Variants in RAD9A observed in about 807,000 individuals in gnomAD.
RAD9A encodes the protein RAD9 checkpoint clamp component A.
Under a neutral mutation model 41.2 loss-of-function variants are expected in RAD9A, and 25 were observed. That is an observed-to-expected ratio of 0.61 (90% CI 0.44 to 0.85). The LOEUF (loss-of-function observed/expected upper bound fraction) is 0.85, where lower values mean the gene tolerates loss of function less well. Ranked by LOEUF, RAD9A falls within the 40% of genes least tolerant of loss-of-function variation. The pLI is 0.00. For synonymous variants in RAD9A, 252 were observed against 210.6 expected (o/e 1.20, Z -1.70); for missense variants, 514 against 518.3 (o/e 0.99, Z 0.08).
At chr11:67,393,407 C>A in intron 3 of RAD9A, 89 bp from the exon 4 acceptor site, 1 of 1,536,804 alleles carries the variant, frequency 6.5e-7, no homozygotes. Flanking sequence ...GAGTTACATG[C>A]TGGGCCCATG....
chr11:67,397,345 G>A lies in RAD9A; in HGVS notation c.1039G>A (p.Ala347Thr), dbSNP rs752626906. 1.5e-5 allele frequency: 24 copies of A among 1,601,070 alleles called. No individual in the cohort carries two copies. The South Asian group carries it at 2.4e-4, about 16-fold the overall frequency. Residue 347 changes from alanine to threonine, a missense_variant, in exon 10 of 11, where the codon GCT (alanine) becomes ACT (threonine). By Grantham distance (58) the Ala-to-Thr change is moderately conservative (BLOSUM62 0). Transcript: ENST00000307980. ...PGPHSEEEDEAEPSTVPGTPP... is the reference protein window; with the variant it reads ...PGPHSEEEDETEPSTVPGTPP... ...TCCCCACTCCGAGGAGGAAGATGAG[G>A]CTGAGCCCAGTACAGTGCCTGGGAC...
chr11:67,392,709 C>T lies in RAD9A; in HGVS notation c.161C>T (p.Ala54Val), dbSNP rs757064238. The change falls in exon 3 of 11, where the codon GCC becomes GTC. Residue 54 changes from alanine (A) to valine (V), a missense_variant. Transcript: ENST00000307980. ...TCTGCCTATGCCTGCTTTCTCTTTG[C>T]CCCGCTCTTCTTCCAGCAATACCAG... ...SRSAYACFLF[A>V]PLFFQQYQAA... The T allele has an allele frequency of 9.3e-6, 15 of 1,613,840 alleles. No homozygotes were observed. The highest frequency in any genetic ancestry group is 6.7e-5 in the Admixed American group (4 of 60,004).
intron 5 of RAD9A, 60 bp from the exon 6 acceptor site, chr11:67,395,656 C>T: frequency 7.3e-7 from 1 of 1,372,916 alleles, no homozygotes; most frequent in Non-Finnish European, 1.0e-6. Context: ...CTCAGGTCCT[C>T]CGAGAGCAAA....
Position 67,398,329 on chromosome 11 carries a change from C to T in RAD9A, c.*770C>T, listed in dbSNP as rs1862783337. ...AGCCTCGGCCCCAGGATCCTGCTCA[C>T]AGTCACCGCAGGTGCAGGCAGGAAG... is the stretch of plus-strand genomic sequence containing the variant. On this transcript the variant is annotated 3_prime_UTR_variant, in exon 11 of 11. Coordinates refer to ENST00000307980, the MANE Select transcript of RAD9A (RefSeq NM_004584.3). 1.7e-6 allele frequency: 1 copy of T among 600,180 alleles called. No homozygotes were observed. The highest frequency in any genetic ancestry group is 2.9e-5 in the East Asian group (1 of 34,092). 37.2% of individuals were successfully genotyped at this position (600,180 alleles called of 1,614,324 possible). A position where few individuals can be genotyped will look rare whatever the true frequency, so the allele number is the denominator to read the frequency against.
rs1862605799 is a variant in RAD9A at position 67,393,805 on chromosome 11, G to T, written c.449+15G>T. 1.3e-6 allele frequency: 2 copies of T among 1,579,202 alleles called. No homozygotes were observed. The highest frequency in any genetic ancestry group is 2.3e-5 in the South Asian group (2 of 87,456). ...GCCCCAGCACGGTGAGCACACCCCT[G>T]CCCTCAGCTCAGCCCCGGGTCTCTC... On this transcript the variant is annotated intron_variant, in intron 5 of 10. Transcript: ENST00000307980.
intron 2 of RAD9A, 133 bp downstream of exon 2, chr11:67,392,364 G>A: frequency 8.7e-6 from 8 of 922,418 alleles, no homozygotes; most frequent in South Asian, 8.6e-5. Flanking sequence ...TTAGTCTGGC[G>A]GCTGTCATCT....
chr11:67,396,171 G>GCCTT lies in RAD9A; in HGVS notation c.730_731insCCTT (p.Gly244AlafsTer59). ...TCTTAGCATTCATTTTGATGCTCCA[G>GCCTT]GCAGGTAGTTCCCAGCCTTGGGACA... On this transcript the variant is annotated frameshift_variant, in exon 8 of 11. Coordinates refer to ENST00000307980, the MANE Select transcript of RAD9A (RefSeq NM_004584.3). LOFTEE classifies it high-confidence loss of function. 1.9e-6 allele frequency: 3 copies of GCCTT among 1,614,006 alleles called. No homozygotes were observed. Among genetic ancestry groups the GCCTT allele is most frequent in the Non-Finnish European group, 2.5e-6 (3 of 1,179,884 alleles).
At chr11:67,393,440 C>A in intron 3 of RAD9A, 56 bp from the exon 4 acceptor site, 1 of 1,598,252 alleles carries the variant, frequency 6.3e-7, no homozygotes, top group South Asian at 1.1e-5. Flanking sequence ...CTGCATGGGA[C>A]AGGAGAGCTT....
At chr11:67,397,147 T>TCC in intron 9 of RAD9A, 32 bp from the exon 10 acceptor site, 4 of 1,550,598 alleles carry the variant, frequency 2.6e-6, no homozygotes, top group Non-Finnish European at 3.6e-6. Context: ...GCTCCCCCAG[T>TCC]CCCCTCCCTG....
At chr11:67,395,587 C>T in intron 5 of RAD9A, 129 bp from the exon 6 acceptor site, 1 of 704,804 alleles carries the variant, frequency 1.4e-6, no homozygotes, top group Non-Finnish European at 2.3e-6. Context: ...CTTCTCTGGG[C>T]CTCATCCACG....
At chr11:67,393,251 G>T in intron 3 of RAD9A, 1 of 1,184,850 alleles carries the variant, frequency 8.4e-7, no homozygotes, top group Non-Finnish European at 1.1e-6. Context: ...CTGCACTCCA[G>T]CCTGGGTGAC....
At chr11:67,393,852 A>G in intron 5 of RAD9A, 62 bp downstream of exon 5, 2 of 1,366,286 alleles carry the variant, frequency 1.5e-6, no homozygotes, top group Non-Finnish European at 9.9e-7. Context: ...TGGGGCCCCA[A>G]GGGGTTGATT....
chr11:67,392,238 G>T lies in RAD9A; in HGVS notation c.105+7G>T, dbSNP rs1303241727. The T allele has an allele frequency of 6.3e-7, 1 of 1,585,240 alleles. No homozygotes were observed. The highest frequency in any genetic ancestry group is 8.6e-7 in the Non-Finnish European group (1 of 1,160,266). On this transcript the variant is annotated splice_region_variant and intron_variant, in intron 2 of 10. Transcript: ENST00000307980. ...GGAACCCTTGGAGGACGGGGTGAGG[G>T]GCTAGGGTGTGGGGGGCGGGTGGGA... is the stretch of plus-strand genomic sequence containing the variant.
In RAD9A at chr11:67,396,362, A is replaced by G. The variant is rs754401129; in HGVS notation, c.834A>G (p.Pro278=). 3.3e-5 allele frequency: 54 copies of G among 1,613,766 alleles called. No homozygotes were observed. The highest frequency in any genetic ancestry group is 6.7e-5 in the African/African-American group (5 of 74,890). Reference sequence around the variant, plus strand: ...CGCACTCCCAGGACCTGGGCTCCCCAGAGCGTCACCAGCCAGTGCCTCAGC... The same window carrying G: ...CGCACTCCCAGGACCTGGGCTCCCCGGAGCGTCACCAGCCAGTGCCTCAGC... ...TDSHSQDLGS[P]ERHQPVPQLQ... The change falls in exon 9 of 11, where the codon CCA becomes CCG. Residue 278 remains proline, a synonymous_variant. Coordinates refer to ENST00000307980, the MANE Select transcript of RAD9A (RefSeq NM_004584.3).
chr11:67,396,415 C>A lies in RAD9A; in HGVS notation c.872+15C>A, dbSNP rs1590931606. 1 of 1,612,908 alleles carries A rather than the reference C, an allele frequency of 6.2e-7. No homozygotes were observed. The highest frequency in any genetic ancestry group is 1.7e-4 in the Middle Eastern group (1 of 6,054). On this transcript the variant is annotated intron_variant, in intron 9 of 10. Transcript: ENST00000307980. ...CAGGCTCACAGGTGAGGGCACCTCC[C>A]CCCAACTCCTCCTCTCTCCATGTCT...
chr11:67,393,616 T>TG lies in RAD9A; in HGVS notation c.349+9dup. ...CCAGCTGCATTGCAAGTTCGGTGAG[T>TG]GGGCAGCCGGCCAGCCAAGGGGTGC... On this transcript the variant is annotated splice_region_variant and intron_variant, in intron 4 of 10. Transcript: ENST00000307980. 1 of 1,613,930 alleles carries TG rather than the reference T, an allele frequency of 6.2e-7. No individual in the cohort carries two copies. Among genetic ancestry groups the TG allele is most frequent in the Non-Finnish European group, 8.5e-7 (1 of 1,179,910 alleles).
chr11:67,397,315 C>G lies in RAD9A; in HGVS notation c.1009C>G (p.Pro337Ala). 1 of 1,596,504 alleles carries G rather than the reference C, an allele frequency of 6.3e-7. No individual in the cohort carries two copies. The highest frequency in any genetic ancestry group is 8.5e-7 in the Non-Finnish European group (1 of 1,170,492). Residue 337 changes from proline (P) to alanine (A), a missense_variant, in exon 10 of 11, where the codon CCC becomes GCC. Physicochemically the swap from Pro to Ala is conservative, Grantham distance 27. Transcript: ENST00000307980. The part of the protein sequence containing the change: ...LSPGPQPPKS[P>A]GPHSEEEDEA... ...ACCTGGCCCCCAGCCCCCCAAGAGC[C>G]CCGGTCCCCACTCCGAGGAGGAAGA... is the stretch of plus-strand genomic sequence containing the variant.
rs557977888 is a variant in RAD9A at position 67,397,195 on chromosome 11, G to A, written c.889G>A (p.Asp297Asn). The A allele has an allele frequency of 3.5e-5, 57 of 1,613,468 alleles. No homozygotes were observed. The highest frequency in any genetic ancestry group is 4.2e-5 in the Non-Finnish European group (50 of 1,179,572). Residue 297 changes from aspartate to asparagine, a missense_variant, in exon 10 of 11, where the codon GAC becomes AAC. Asp to Asn is a conservative substitution (Grantham distance 23, BLOSUM62 1). Coordinates refer to ENST00000307980, the MANE Select transcript of RAD9A (RefSeq NM_004584.3). Reference protein sequence around the residue: ...LQAHSTPHPDDFANDDIDSYM... With the variant: ...LQAHSTPHPDNFANDDIDSYM... ...TGCCTACAGCACACCCCACCCGGAC[G>A]ACTTTGCCAATGACGACATTGACTC...
chr11:67,396,044 G>C (rs771341124), intron 7 of RAD9A, 23 bp downstream of exon 7: 1 of 1,613,714 alleles, frequency 6.2e-7, no homozygotes, highest in Non-Finnish European at 8.5e-7. Flanking sequence ...CCAGGCGCTC[G>C]CCGTCCTGTC....
Sources: gnomAD v4.1 joint callset for allele counts on GRCh38, gnomAD v4.1.1 for gene constraint, MANE v1.5 for transcripts, NCBI Gene and HGNC (gene_info 2026-07-23, HGNC 2026-07-21) for gene names.